The following FSD2 variants were observed in gnomAD, a reference collection of about 807,000 sequenced individuals.
FSD2 encodes fibronectin type III and SPRY domain containing 2.
FSD2 carries 71 observed loss-of-function variants against 80.4 expected under a neutral mutation model. The ratio of observed to expected loss-of-function variants is 0.88; its 90% confidence interval spans 0.73 to 1.08. The LOEUF is 1.08. Ranked by LOEUF, FSD2 falls within the 50% of genes least tolerant of loss-of-function variation. The pLI, the probability that FSD2 is intolerant of heterozygous loss-of-function variation, is 0.00. For missense variants in FSD2, 923 were observed against 913.8 expected (o/e 1.01, Z -0.13); for synonymous variants, 361 against 329.5 (o/e 1.10, Z -1.03).
chr15:82,777,827 A>G (rs1035527180), intron 6 of FSD2, among the ~76,000 whole-genome samples: 36 of 150,636 alleles, frequency 2.4e-4, no homozygotes, highest in Non-Finnish European at 4.6e-4. Flanking sequence ...AGCTTGGGTG[A>G]CAGAGCAAGA....
chr15:82,803,490 C>T (rs977895340), intron 1 of FSD2, among the ~76,000 whole-genome samples: 7 of 152,088 alleles, frequency 4.6e-5, no homozygotes, highest in Admixed American at 6.5e-5. Flanking sequence ...TCCTTCTGGC[C>T]GCGCTCAGGG....
At chr15:82,769,908 T>C in intron 7 of FSD2, 24 bp from the exon 8 acceptor site, 1 of 1,612,108 alleles carries the variant, frequency 6.2e-7, no homozygotes, top group Non-Finnish European at 8.5e-7. Context: ...AAGATAAGAA[T>C]TCAACCCTAA....
intron 1 of FSD2, among the ~76,000 whole-genome samples, chr15:82,795,601 G>A (rs1317604805): frequency 6.6e-6 from 1 of 152,086 alleles, no homozygotes; most frequent in Non-Finnish European, 1.5e-5. Context: ...AGGCTAAGGT[G>A]GGCAGATCAT....
chr15:82,765,128 A>G, intron 11 of FSD2, 38 bp downstream of exon 11: 2 of 1,558,136 alleles, frequency 1.3e-6, no homozygotes, highest in Non-Finnish European at 1.7e-6. Flanking sequence ...ACCTTCGGGA[A>G]GTTCACAGAA....
In FSD2 at chr15:82,772,223, A is replaced by T; in HGVS notation, c.1117T>A (p.Ser373Thr). 2 of 1,610,246 alleles carry T rather than the reference A, an allele frequency of 1.2e-6. No individual in the cohort carries two copies. Among genetic ancestry groups the T allele is most frequent in the East Asian group, 2.2e-5 (1 of 44,814 alleles). Reference protein sequence around the residue: ...MGSINTIPAPSAPVINPQVPN... With the variant: ...MGSINTIPAPTAPVINPQVPN... ...ACCTGTGGATTTATGACTGGAGCAG[A>T]AGGAGCTAGGAAAAGAAAAGAAAAA... Residue 373 changes from serine (S) to threonine (T), a missense_variant, in exon 7 of 13, where the codon TCT (serine) becomes ACT (threonine). Ser to Thr is a moderately conservative substitution (Grantham distance 58). Transcript: ENST00000334574.
rs376974776 is a variant in FSD2 at position 82,769,860 on chromosome 15, G to A, written c.1292C>T (p.Thr431Ile). 252 of 1,613,792 alleles carry A rather than the reference G, an allele frequency of 1.6e-4. 1 individual carries two copies. Among genetic ancestry groups the A allele is most frequent in the Non-Finnish European group, 2.0e-4 (236 of 1,179,866 alleles). The change falls in exon 8 of 13, where the codon ACA becomes ATA. Residue 431 changes from threonine (T) to isoleucine (I), a missense_variant. By Grantham distance (89) the Thr-to-Ile change is moderately conservative. Transcript: ENST00000334574. ...CACAAGGTTTGTCACTGAGCAATAT[G>A]TTTCTTTGACAGTCACTGTAAACTC... ...QAEFTVTVKE[T>I]YCSVTNLVPN...
At position 82,756,280 on chromosome 15, in the gene FSD2, C is replaced by A; in HGVS notation, c.*3068G>T. On this transcript the variant is annotated 3_prime_UTR_variant, in exon 13 of 13. Coordinates refer to ENST00000334574, the MANE Select transcript of FSD2 (RefSeq NM_001007122.4). ...GTAGCTGAACCGCCTTGCATCAAGA[C>A]CAATGTAGTCTTATTTACAGAATGC... 4.9e-6 allele frequency: 1 copy of A among 202,902 alleles called. No homozygotes were observed. The highest frequency in any genetic ancestry group is 7.7e-5 in the South Asian group (1 of 12,998). 12.6% of individuals were successfully genotyped at this position (202,902 alleles called of 1,614,324 possible). A position where few individuals can be genotyped will look rare whatever the true frequency, so the allele number is the denominator to read the frequency against.
intron 1 of FSD2, among the ~76,000 whole-genome samples, chr15:82,790,760 T>G (rs1444850038): frequency 7.4e-6 from 1 of 135,436 alleles, no homozygotes; most frequent in Non-Finnish European, 1.6e-5. Context: ...TTTTTTTTTG[T>G]ATTTTTAGTA....
At chr15:82,801,641 T>G (rs1017016531) in intron 1 of FSD2, among the ~76,000 whole-genome samples, 4 of 152,170 alleles carry the variant, frequency 2.6e-5, no homozygotes, top group African/African-American at 9.7e-5. Context: ...CCCAATGCCA[T>G]GTATGTTATT....
intron 11 of FSD2, among the ~76,000 whole-genome samples, chr15:82,763,536 C>T (rs535912456): frequency 2.6e-5 from 4 of 152,192 alleles, no homozygotes; most frequent in Non-Finnish European, 5.9e-5. Flanking sequence ...GTCCCTGACT[C>T]ATCTTCCTCT....
chr15:82,788,504 CAAAAA>C (rs11317915), intron 1 of FSD2, among the ~76,000 whole-genome samples: 4 of 66,212 alleles, frequency 6.0e-5, no homozygotes, highest in Non-Finnish European at 1.1e-4. Flanking sequence ...GACCCTGTCT[CAAAAA>C]AAAAAAAAAA....
At chr15:82,764,492 CTTTTTTT>C (rs60095355) in intron 11 of FSD2, among the ~76,000 whole-genome samples, 1 of 86,180 alleles carries the variant, frequency 1.2e-5, no homozygotes, top group Non-Finnish European at 2.2e-5. Context: ...TCTTTACTTG[CTTTTTTT>C]TTTTTTTTTT....
chr15:82,770,654 GA>G, intron 7 of FSD2, among the ~76,000 whole-genome samples: 2 of 151,802 alleles, frequency 1.3e-5, no homozygotes, highest in Non-Finnish European at 2.9e-5. Context: ...CTGAGTGACA[GA>G]GCAAGACTCC....
chr15:82,765,075 G>C, intron 11 of FSD2, 91 bp downstream of exon 11: 2 of 1,400,628 alleles, frequency 1.4e-6, no homozygotes, highest in Non-Finnish European at 1.9e-6. Context: ...TTCCCTCGAG[G>C]CTGCCTCCGT....
chr15:82,789,004 C>T (rs1365772100), intron 1 of FSD2, among the ~76,000 whole-genome samples: 1 of 151,696 alleles, frequency 6.6e-6, no homozygotes, highest in Non-Finnish European at 1.5e-5. Flanking sequence ...TGTTCATACT[C>T]TCTAGCCTGT....
chr15:82,787,114 C>T lies in FSD2; in HGVS notation c.277G>A (p.Glu93Lys), dbSNP rs201575973. The T allele has an allele frequency of 1.4e-3, 2,210 of 1,614,002 alleles. 47 individuals are homozygous for T. The South Asian group carries it at 0.023, about 17-fold the overall frequency. ...DHELGDEFVD[E>K]NIPRTGVSEY... ...GAAACCCCTGTTCTGGGTATGTTTT[C>T]ATCAACAAACTCATCCCCTAATTCA... Residue 93 changes from glutamate to lysine, a missense_variant, in exon 2 of 13, where the codon GAA becomes AAA. Glu to Lys is a moderately conservative substitution (Grantham distance 56). Coordinates refer to ENST00000334574, the MANE Select transcript of FSD2 (RefSeq NM_001007122.4).
intron 1 of FSD2, among the ~76,000 whole-genome samples, chr15:82,801,686 T>C (rs1282829907): frequency 6.6e-6 from 1 of 152,168 alleles, no homozygotes; most frequent in East Asian, 1.9e-4. Flanking sequence ...AAGGAAACCT[T>C]ACTCCTGAGA....
intron 11 of FSD2, 100 bp from the exon 12 acceptor site, chr15:82,762,378 A>G (rs1015420790): frequency 1.5e-5 from 17 of 1,156,680 alleles, no homozygotes; most frequent in Admixed American, 2.6e-5. Context: ...TCGGTGGTCT[A>G]CGAACGTGGT....
chr15:82,771,883 G>A (rs1057315262), intron 7 of FSD2, among the ~76,000 whole-genome samples, 190 bp downstream of exon 7: 1 of 152,192 alleles, frequency 6.6e-6, no homozygotes, highest in African/African-American at 2.4e-5. Context: ...TGGCCTTGCT[G>A]TCCTTCCCAG....
Sources: gnomAD v4.1 joint callset for allele counts (sites outside exome capture counted in the v4.1 genomes callset) on GRCh38, gnomAD v4.1.1 for gene constraint, MANE v1.5 for transcripts, NCBI Gene and HGNC (gene_info 2026-07-23, HGNC 2026-07-21) for gene names.